The following ITPR1 variants were observed in gnomAD, a reference collection of about 807,000 sequenced individuals.
ITPR1 encodes inositol 1,4,5-trisphosphate receptor type 1.
ITPR1 carries 96 observed loss-of-function variants against 318.4 expected under a neutral mutation model. The observed-to-expected ratio is 0.30, with a 90% CI of 0.26 to 0.36. The LOEUF (loss-of-function observed/expected upper bound fraction) is 0.36, where lower values mean the gene tolerates loss of function less well. Ranked by LOEUF, ITPR1 falls within the 10% of genes least tolerant of loss-of-function variation. The pLI is 1.00. For missense variants in ITPR1, 2,440 were observed against 3,460.2 expected (o/e 0.71, Z 7.40); for synonymous variants, 1,312 against 1,289.9 (o/e 1.02, Z -0.37).
chr3:4,619,826 C>T (rs1481067590), intron 4 of ITPR1, among the ~76,000 whole-genome samples: 5 of 138,468 alleles, frequency 3.6e-5, no homozygotes, highest in Admixed American at 1.5e-4. Context: ...CCCTCCCCTC[C>T]TCTCCCCTCT....
At chr3:4,514,993 G>A (rs1282509087) in intron 2 of ITPR1, among the ~76,000 whole-genome samples, 1 of 152,146 alleles carries the variant, frequency 6.6e-6, no homozygotes, top group Non-Finnish European at 1.5e-5. Context: ...TTCCCTCAAG[G>A]TCTAGAGATG....
chr3:4,710,195 C>A lies in ITPR1; in HGVS notation c.4843-130C>A. The A allele has an allele frequency of 1.3e-6, 1 of 755,884 alleles. No individual in the cohort carries two copies. Among genetic ancestry groups the A allele is most frequent in the Non-Finnish European group, 1.9e-6 (1 of 527,546 alleles). The allele number at this position is 755,884 out of a possible 1,614,324, so 46.8% of individuals were successfully genotyped here. On this transcript the variant is annotated intron_variant, in intron 37 of 61. Coordinates refer to ENST00000649015, the MANE Select transcript of ITPR1 (RefSeq NM_001378452.1). The surrounding 1 kb of genome is among the most constrained non-coding windows in gnomAD (Gnocchi z 4.2). ...GGCAATGTCTAATAATTTGAGATGCCAGACGGTACTAAAGTTACTCTAACC... is the reference window on the plus strand; with the variant it reads ...GGCAATGTCTAATAATTTGAGATGCAAGACGGTACTAAAGTTACTCTAACC...
Position 4,662,236 on chromosome 3 carries a change from A to G in ITPR1, c.1406A>G (p.Glu469Gly). 6.2e-7 allele frequency: 1 copy of G among 1,606,308 alleles called. No homozygotes were observed. The highest frequency in any genetic ancestry group is 1.3e-5 in the African/African-American group (1 of 74,840). ...GAGAAGGGCACCATCACCCAGAATGAAAGGAGGTGAGCACTCCCGCATGCT... is the reference window on the plus strand; with the variant it reads ...GAGAAGGGCACCATCACCCAGAATGGAAGGAGGTGAGCACTCCCGCATGCT... ...KLEKGTITQN[E>G]RRSVTKLLED... Residue 469 changes from glutamate (E) to glycine (G), a missense_variant, in exon 15 of 62, where the codon GAA becomes GGA. This residue lies in a region of ITPR1 where 478 missense variants were observed against 696.3 expected (regional missense o/e 0.69). Transcript: ENST00000649015.
intron 4 of ITPR1, among the ~76,000 whole-genome samples, chr3:4,552,884 G>A (rs2085711325): frequency 6.6e-6 from 1 of 152,046 alleles, no homozygotes; most frequent in African/African-American, 2.4e-5. Context: ...AGGATTTTAG[G>A]GGTTGTATGC....
intron 16 of ITPR1, 110 bp downstream of exon 16, chr3:4,663,316 C>A (rs1023264296): frequency 1.1e-6 from 1 of 952,022 alleles, no homozygotes; most frequent in Non-Finnish European, 1.5e-6. Context: ...GTGGGAGGAT[C>A]CCCTTGAGCC....
intron 35 of ITPR1, among the ~76,000 whole-genome samples, chr3:4,700,259 C>T (rs1228811737): frequency 6.6e-6 from 1 of 152,166 alleles, no homozygotes; most frequent in Non-Finnish European, 1.5e-5. Flanking sequence ...AGCACAGTGC[C>T]TGACACAGAG....
intron 60 of ITPR1, among the ~76,000 whole-genome samples, chr3:4,824,504 C>CACATG (rs2049940837): frequency 6.6e-6 from 1 of 152,154 alleles, no homozygotes; most frequent in Admixed American, 6.5e-5. Context: ...TACCTGTGTG[C>CACATG]ACATGCACAC....
At chr3:4,652,261 A>C (rs747960676) in intron 11 of ITPR1, 43 bp downstream of exon 11, 2 of 1,346,936 alleles carry the variant, frequency 1.5e-6, no homozygotes, top group South Asian at 1.2e-5. Context: ...AGGCTGACGC[A>C]CCTCACCGCC....
chr3:4,699,850 C>T lies in ITPR1; in HGVS notation c.4445C>T (p.Ser1482Leu), dbSNP rs199530586. 11 of 1,613,784 alleles carry T rather than the reference C, an allele frequency of 6.8e-6. No homozygotes were observed. Among genetic ancestry groups the T allele is most frequent in the Admixed American group, 1.7e-5 (1 of 60,024 alleles). Residue 1482 changes from serine (S) to leucine (L), a missense_variant, in exon 35 of 62, where the codon TCG (serine) becomes TTG (leucine). By Grantham distance (145) the Ser-to-Leu change is moderately radical. Around this residue, in one of 23 missense-constraint regions of ITPR1, gnomAD observed 73 missense variants for 59.5 expected, o/e 1.23. Coordinates refer to ENST00000649015, the MANE Select transcript of ITPR1 (RefSeq NM_001378452.1). ...ACTAGTGACAGGAAACATGCAGACT[C>T]GATTTTGGAGAAGTATGTCACCGAA... is the stretch of plus-strand genomic sequence containing the variant. The part of the protein sequence containing the change: ...NNTSDRKHAD[S>L]ILEKYVTEIV...
intron 54 of ITPR1, among the ~76,000 whole-genome samples, chr3:4,802,686 T>G (rs1242357970): frequency 2.0e-5 from 3 of 151,930 alleles, no homozygotes; most frequent in Non-Finnish European, 2.9e-5. Context: ...AAAATTAGCC[T>G]GGCATAGTAA....
At position 4,710,995 on chromosome 3, in the gene ITPR1, T is replaced by G. The variant is rs759350080; in HGVS notation, c.4991+522T>G. ...GGGAGGCCGGGGCTGGTGAATCACC[T>G]GAGGTCAGGGGTTCAAGACCAGCCT... On this transcript the variant is annotated intron_variant, in intron 38 of 61. Transcript: ENST00000649015. The surrounding 1 kb of genome is among the most constrained non-coding windows in gnomAD (Gnocchi z 4.2). Among the ~76,000 whole-genome samples, 3 of 152,014 alleles carry G rather than the reference T, an allele frequency of 2.0e-5. No homozygotes were observed. Among genetic ancestry groups the G allele is most frequent in the Non-Finnish European group, 4.4e-5 (3 of 67,978 alleles).
chr3:4,629,587 A>G (rs1424008817), intron 5 of ITPR1, among the ~76,000 whole-genome samples: 1 of 152,262 alleles, frequency 6.6e-6, no homozygotes, highest in Non-Finnish European at 1.5e-5. Flanking sequence ...GGCACATAGT[A>G]GGTGCTCGGA....
intron 4 of ITPR1, among the ~76,000 whole-genome samples, chr3:4,581,730 G>A (rs1244626987): frequency 6.6e-6 from 1 of 152,206 alleles, no homozygotes; most frequent in Non-Finnish European, 1.5e-5. Flanking sequence ...TAACTAAATA[G>A]TGTACGGCAG....
chr3:4,716,674 A>T (rs1317394463), intron 39 of ITPR1, among the ~76,000 whole-genome samples: 1 of 152,236 alleles, frequency 6.6e-6, no homozygotes. Context: ...CTAAATGTTA[A>T]CAAAGCCTAA....
At chr3:4,507,020 A>G (rs954792895) in intron 2 of ITPR1, among the ~76,000 whole-genome samples, 1 of 152,206 alleles carries the variant, frequency 6.6e-6, no homozygotes, top group Non-Finnish European at 1.5e-5. Context: ...TTAAAAACCA[A>G]TTACACATTA....
chr3:4,802,694 T>C (rs901306870), intron 54 of ITPR1, among the ~76,000 whole-genome samples: 5 of 151,988 alleles, frequency 3.3e-5, no homozygotes, highest in Admixed American at 6.6e-5. Flanking sequence ...CCTGGCATAG[T>C]AATGCATGCT....
At chr3:4,566,604 G>GCACACACA (rs57756103) in intron 4 of ITPR1, among the ~76,000 whole-genome samples, 20,701 of 140,638 alleles carry the variant, frequency 0.15, 1,694 homozygotes, top group Middle Eastern at 0.18. Context: ...GGGGACACAT[G>GCACACACA]CACACACACA....
chr3:4,718,328 G>C (rs367729596), intron 40 of ITPR1, among the ~76,000 whole-genome samples: 1 of 152,292 alleles, frequency 6.6e-6, no homozygotes, highest in East Asian at 1.9e-4. Context: ...TCAGATCTCT[G>C]TTTCTTCTTT....
At chr3:4,734,221 C>T (rs2043122387) in intron 43 of ITPR1, among the ~76,000 whole-genome samples, 1 of 152,214 alleles carries the variant, frequency 6.6e-6, no homozygotes, top group Non-Finnish European at 1.5e-5. Context: ...AGGTTCTTCA[C>T]ATAATCTCTC....
Sources: gnomAD v4.1 joint callset for allele counts (sites outside exome capture counted in the v4.1 genomes callset) on GRCh38, gnomAD v4.1.1 for gene constraint, gnomAD v4.1.1 regional missense constraint, Gnocchi (gnomAD v3.1) non-coding constraint, MANE v1.5 for transcripts, NCBI Gene and HGNC (gene_info 2026-07-23, HGNC 2026-07-21) for gene names.